Variants in TEX11 observed in about 807,000 individuals in gnomAD.
The protein encoded by TEX11 is testis expressed 11, also known as testis-expressed protein 11.
A neutral mutation model predicts 84.4 loss-of-function variants in TEX11; 7 were observed. That is an observed-to-expected ratio of 0.08 (90% CI 0.05 to 0.16). The LOEUF is 0.16. TEX11 is among the 10% of genes least tolerant of loss of function. The pLI is 1.00. For missense variants in TEX11, 551 were observed against 660.5 expected (o/e 0.83, Z 1.82); for synonymous variants, 264 against 222.8 (o/e 1.18, Z -1.64).
At chrX:70,566,983 C>T (rs1481143305) in intron 25 of TEX11, among the ~76,000 whole-genome samples, 2 of 111,564 alleles carry the variant, frequency 1.8e-5, no homozygotes, top group Non-Finnish European at 3.8e-5. Flanking sequence ...GGAATGGTAC[C>T]GGTTCCTCCT....
At chrX:70,562,315 C>T (rs1261663932) in intron 25 of TEX11, among the ~76,000 whole-genome samples, 1 of 111,263 alleles carries the variant, frequency 9.0e-6, no homozygotes, top group African/African-American at 3.3e-5. Context: ...TATACCCCAA[C>T]CCCATTTTTT....
chrX:70,636,974 T>C (rs924792814), intron 17 of TEX11, among the ~76,000 whole-genome samples: 1 of 111,310 alleles, frequency 9.0e-6, no homozygotes, highest in East Asian at 2.8e-4. Context: ...AAATAAATTA[T>C]AGAATGGGAG....
intron 25 of TEX11, among the ~76,000 whole-genome samples, chrX:70,574,255 G>A (rs961331271): frequency 1.8e-5 from 2 of 111,765 alleles, no homozygotes; most frequent in Non-Finnish European, 3.8e-5. Context: ...ACCCAAAAGA[G>A]GAAATTTCTT....
At chrX:70,841,172 T>C (rs1333315359) in intron 7 of TEX11, among the ~76,000 whole-genome samples, 4 of 110,650 alleles carry the variant, frequency 3.6e-5, no homozygotes, top group Non-Finnish European at 7.6e-5. Flanking sequence ...ATCAACAGAA[T>C]ATACATTCTT....
the TEX11 span, among the ~76,000 whole-genome samples, chrX:70,518,967 A>G: frequency 8.9e-6 from 1 of 111,747 alleles, no homozygotes; most frequent in Non-Finnish European, 1.9e-5. Context: ...TTTTCTTGGT[A>G]GATCTTCCTC....
intron 4 of TEX11, among the ~76,000 whole-genome samples, chrX:70,862,335 C>T (rs1799358187): frequency 8.9e-6 from 1 of 111,834 alleles, no homozygotes; most frequent in Non-Finnish European, 1.9e-5. Context: ...AAAACAGCTT[C>T]ACAAATAAAT....
intron 2 of TEX11, among the ~76,000 whole-genome samples, chrX:70,896,972 T>C (rs1407150303): frequency 1.3e-4 from 13 of 103,226 alleles, no homozygotes; most frequent in Non-Finnish European, 2.2e-4. Context: ...CTACTAAAAA[T>C]ACAAAAAAAA....
intron 13 of TEX11, among the ~76,000 whole-genome samples, chrX:70,697,821 T>C (rs1239176398): frequency 5.4e-5 from 6 of 111,846 alleles, no homozygotes; most frequent in Non-Finnish European, 9.4e-5. Flanking sequence ...TCATGAATAG[T>C]AAACTGAAGC....
At chrX:70,776,342 G>A (rs1010517688) in intron 9 of TEX11, among the ~76,000 whole-genome samples, 2 of 110,472 alleles carry the variant, frequency 1.8e-5, no homozygotes, top group African/African-American at 6.6e-5. Context: ...TGGGTGGATT[G>A]TTTGAGTCCA....
At chrX:70,859,343 C>T (rs757663982) in intron 5 of TEX11, among the ~76,000 whole-genome samples, 14 of 106,874 alleles carry the variant, frequency 1.3e-4, no homozygotes, top group Admixed American at 3.1e-4. Context: ...TTTGGGAGGC[C>T]GGGGCGGGTG....
At chrX:70,630,185 G>A (rs1217300459) in intron 17 of TEX11, among the ~76,000 whole-genome samples, 1 of 109,215 alleles carries the variant, frequency 9.2e-6, no homozygotes, top group Admixed American at 9.8e-5. Context: ...AGTTGCGGGC[G>A]TCTGTAGTCC....
intron 11 of TEX11, among the ~76,000 whole-genome samples, chrX:70,726,194 C>T (rs184568053): frequency 1.1e-4 from 12 of 112,019 alleles, no homozygotes; most frequent in Non-Finnish European, 2.1e-4. Flanking sequence ...AGAGGTCTTC[C>T]AGATCTTGGC....
At chrX:70,900,842 G>C (rs1015788390) in intron 2 of TEX11, among the ~76,000 whole-genome samples, 1 of 110,859 alleles carries the variant, frequency 9.0e-6, no homozygotes, top group African/African-American at 3.3e-5. Context: ...TACTCAGGAG[G>C]CTGAAGCACA....
intron 16 of TEX11, among the ~76,000 whole-genome samples, chrX:70,662,895 A>G (rs1165962344): frequency 1.8e-5 from 2 of 111,772 alleles, no homozygotes; most frequent in African/African-American, 3.2e-5. Flanking sequence ...CTCTCAGGAT[A>G]ATGGAAGTCT....
At chrX:70,571,278 C>T (rs2088594499) in intron 25 of TEX11, among the ~76,000 whole-genome samples, 2 of 112,206 alleles carry the variant, frequency 1.8e-5, no homozygotes, top group Admixed American at 9.4e-5. Context: ...CTTGGCCTCC[C>T]AAAGTGCTGG....
At chrX:70,822,379 C>A (rs1021140280) in intron 8 of TEX11, among the ~76,000 whole-genome samples, 3 of 110,683 alleles carry the variant, frequency 2.7e-5, no homozygotes, top group Non-Finnish European at 5.7e-5. Context: ...ATTCACAATA[C>A]CCAAGATATG....
intron 25 of TEX11, among the ~76,000 whole-genome samples, chrX:70,562,457 G>C (rs1050148100): frequency 3.6e-5 from 4 of 112,026 alleles, no homozygotes; most frequent in African/African-American, 1.3e-4. Flanking sequence ...ATATCCACGT[G>C]AAAAAAGTTA....
At chrX:70,685,935 G>A (rs1261812682) in intron 13 of TEX11, among the ~76,000 whole-genome samples, 1 of 108,610 alleles carries the variant, frequency 9.2e-6, no homozygotes, top group Non-Finnish European at 1.9e-5. Context: ...TTTTTTTCTT[G>A]TAAATTTAAA....
At chrX:70,868,374 CAAG>C (rs969001603) in intron 4 of TEX11, among the ~76,000 whole-genome samples, 2 of 111,765 alleles carry the variant, frequency 1.8e-5, no homozygotes, top group Non-Finnish European at 3.8e-5. Flanking sequence ...AAGTCAGAAA[CAAG>C]AGATGCTGGT....
Sources: allele counts gnomAD v4.1 joint callset (sites outside exome capture counted in the v4.1 genomes callset), GRCh38; gene constraint gnomAD v4.1.1; transcripts MANE v1.5; gene names NCBI Gene and HGNC (gene_info 2026-07-23, HGNC 2026-07-21).